The following ATAD5 variants were observed in gnomAD, a reference collection of about 807,000 sequenced individuals.
ATAD5 encodes the protein ATPase family AAA domain containing 5, also known as ATPase family AAA domain-containing protein 5.
In ATAD5, 58 loss-of-function variants were observed where a neutral mutation model predicts 176.9. That is an observed-to-expected ratio of 0.33 (90% CI 0.27 to 0.41). The LOEUF (loss-of-function observed/expected upper bound fraction) is 0.41. ATAD5 is among the 10% of genes least tolerant of loss of function. The pLI is 1.00. For missense variants in ATAD5, 1,789 were observed against 2,094.1 expected (o/e 0.85, Z 2.84); for synonymous variants, 640 against 712.6 (o/e 0.90, Z 1.62).
At chr17:30,868,534 G>A (rs1175911262) in intron 12 of ATAD5, 122 bp downstream of exon 12, 13 of 598,604 alleles carry the variant, frequency 2.2e-5, no homozygotes, top group Non-Finnish European at 3.1e-5. Context: ...TGGAGACAGA[G>A]TCTTGCTCTG....
chr17:30,868,421 T>C lies in ATAD5; in HGVS notation c.3313+9T>C. 1 of 1,518,348 alleles carries C rather than the reference T, an allele frequency of 6.6e-7. No homozygotes were observed. Among genetic ancestry groups the C allele is most frequent in the Non-Finnish European group, 8.8e-7 (1 of 1,138,540 alleles). The allele number at this position is 1,518,348 out of a possible 1,614,324, so 94.1% of individuals were successfully genotyped here. On this transcript the variant is annotated intron_variant, in intron 12 of 22. Transcript: ENST00000321990. ...AGATGAGAAACATGAAGGTATTTTG[T>C]GTGTCTTTTTTTTTTTTTTTACCAT... is the stretch of plus-strand genomic sequence containing the variant.
At chr17:30,876,110 C>G (rs1175538190) in intron 14 of ATAD5, among the ~76,000 whole-genome samples, 1 of 151,920 alleles carries the variant, frequency 6.6e-6, no homozygotes, top group Non-Finnish European at 1.5e-5. Context: ...GCACTCCAGC[C>G]TGGGCGACGG....
chr17:30,879,565 A>ATTTT, intron 18 of ATAD5, 78 bp downstream of exon 18: 15 of 1,055,264 alleles, frequency 1.4e-5, no homozygotes, highest in Admixed American at 3.1e-5. Context: ...TACAGCTATA[A>ATTTT]TTTTTTTTTT....
In ATAD5 at chr17:30,832,260, A is replaced by C; in HGVS notation, c.-88A>C. 8.3e-7 allele frequency: 1 copy of C among 1,199,796 alleles called. No individual in the cohort carries two copies. The highest frequency in any genetic ancestry group is 1.1e-6 in the Non-Finnish European group (1 of 905,424). 74.3% of individuals were successfully genotyped at this position (1,199,796 alleles called of 1,614,324 possible). On this transcript the variant is annotated 5_prime_UTR_variant, in exon 1 of 23. Transcript: ENST00000321990. ...AGCAGAATCCCAGCAGCTTGCTGCT[A>C]CTGGAGCGGGCCGCCTCCATGGCCT...
rs115791409 is a variant in ATAD5 at position 30,893,434 on chromosome 17, C to T, written c.4581C>T (p.Asn1527=). The T allele has an allele frequency of 1.7e-3, 2,678 of 1,613,764 alleles. 26 individuals carry two copies. The African/African-American group carries it at 0.024, about 15-fold the overall frequency. The change falls in exon 21 of 23, where the codon AAC becomes AAT. Residue 1527 remains asparagine, a synonymous_variant. Transcript: ENST00000321990. ...LPVDTIPETK[N]FCGPSVTVDA... The stretch of plus-strand genomic sequence containing the variant: ...TTGATACCATTCCAGAAACTAAAAA[C>T]TTTTGTGGCCCATCAGTAACTGTGG...
At chr17:30,852,511 C>T (rs1007276146) in intron 6 of ATAD5, among the ~76,000 whole-genome samples, 2 of 152,076 alleles carry the variant, frequency 1.3e-5, no homozygotes, top group African/African-American at 4.8e-5. Flanking sequence ...AGTTAGGATA[C>T]TGTGTTTGTC....
chr17:30,848,639 A>G (rs999525471), intron 6 of ATAD5, among the ~76,000 whole-genome samples: 1 of 152,158 alleles, frequency 6.6e-6, no homozygotes, highest in Non-Finnish European at 1.5e-5. Flanking sequence ...CAAGATACCA[A>G]GTTATTTCCA....
chr17:30,855,408 A>C (rs1406304525), intron 7 of ATAD5, 81 bp downstream of exon 7: 1 of 1,338,270 alleles, frequency 7.5e-7, no homozygotes, highest in African/African-American at 1.5e-5. Flanking sequence ...CTTAAAGATG[A>C]GGCTGAAGTT....
Position 30,835,352 on chromosome 17 carries a change from A to T in ATAD5, c.1271A>T (p.Asp424Val), listed in dbSNP as rs202223610. The change falls in exon 2 of 23, where the codon GAT becomes GTT. Residue 424 changes from aspartate (D) to valine (V), a missense_variant. Asp to Val is a radical substitution (Grantham distance 152). Coordinates refer to ENST00000321990, the MANE Select transcript of ATAD5 (RefSeq NM_024857.5). ...AAAAATGGAGTTAAAAAGTCTTCTG[A>T]TAAGCAGAAAGACCTTAATGAAAAA... ...ALKNGVKKSS[D>V]KQKDLNEKCL... 56 of 1,612,976 alleles carry T rather than the reference A, an allele frequency of 3.5e-5. No individual in the cohort carries two copies. Among genetic ancestry groups the T allele is most frequent in the Non-Finnish European group, 4.7e-5 (55 of 1,179,684 alleles).
At chr17:30,875,909 G>T (rs149416569) in intron 14 of ATAD5, among the ~76,000 whole-genome samples, 2,438 of 151,888 alleles carry the variant, frequency 0.016, 39 homozygotes, top group Non-Finnish European at 0.022. Context: ...AGGCCGAGGC[G>T]GGTAGATCAC....
chr17:30,878,718 G>GTTTTTTT (rs71142005), intron 17 of ATAD5, among the ~76,000 whole-genome samples: 2,025 of 56,812 alleles, frequency 0.036, 487 homozygotes, highest in Non-Finnish European at 0.042. Context: ...GTTAGGTGGT[G>GTTTTTTT]TTTTTTTTTT....
intron 3 of ATAD5, 105 bp from the exon 4 acceptor site, chr17:30,840,512 T>C: frequency 3.5e-6 from 3 of 856,202 alleles, no homozygotes; most frequent in Middle Eastern, 3.9e-4. Context: ...TGAATAACCA[T>C]TTCTTTGTTG....
At chr17:30,886,765 T>G (rs1469284889) in intron 18 of ATAD5, among the ~76,000 whole-genome samples, 1 of 152,044 alleles carries the variant, frequency 6.6e-6, no homozygotes, top group East Asian at 1.9e-4. Context: ...AAAAATTAAT[T>G]AGCTTTATGC....
Position 30,859,825 on chromosome 17 carries a change from C to T in ATAD5, c.2957-608C>T, listed in dbSNP as rs553937974. Among the ~76,000 whole-genome samples, 23 of 147,098 alleles carry T rather than the reference C, an allele frequency of 1.6e-4. 1 individual carries two copies. The highest frequency in any genetic ancestry group is 5.4e-4 in the African/African-American group (22 of 40,520). ...TGCAGCCTCAGCCTTCTAGGTTCCACCGATTCTCCTGCTTCTGCCTCCTAG... is the reference window on the plus strand; with the variant it reads ...TGCAGCCTCAGCCTTCTAGGTTCCATCGATTCTCCTGCTTCTGCCTCCTAG... On this transcript the variant is annotated intron_variant, in intron 9 of 22. Coordinates refer to ENST00000321990, the MANE Select transcript of ATAD5 (RefSeq NM_024857.5).
At chr17:30,862,108 G>T (rs1403689483) in intron 10 of ATAD5, among the ~76,000 whole-genome samples, 1 of 147,436 alleles carries the variant, frequency 6.8e-6, no homozygotes, top group Non-Finnish European at 1.5e-5. Context: ...GCCGAGGTGG[G>T]TGGATCACCT....
At chr17:30,840,361 G>A (rs957722828) in intron 3 of ATAD5, among the ~76,000 whole-genome samples, 4 of 152,040 alleles carry the variant, frequency 2.6e-5, no homozygotes, top group African/African-American at 9.7e-5. Flanking sequence ...TTAAAAAATA[G>A]ATTGCCAAGT....
At position 30,837,206 on chromosome 17, in the gene ATAD5, A is replaced by C; in HGVS notation, c.1968A>C (p.Arg656Ser). ...TCTGAATACCTTATTTTTATTTCAG[A>C]ATGAAATTCACCAGAATTAGTACTC... ...TVPFDSESPI[R>S]MKFTRISTPK... The change falls in exon 3 of 23, where the codon AGA becomes AGC. Residue 656 changes from arginine to serine, a missense_variant and splice_region_variant. Physicochemically the swap from Arg to Ser is moderately radical, Grantham distance 110. Coordinates refer to ENST00000321990, the MANE Select transcript of ATAD5 (RefSeq NM_024857.5). 1 of 1,457,528 alleles carries C rather than the reference A, an allele frequency of 6.9e-7. No homozygotes were observed. The highest frequency in any genetic ancestry group is 1.3e-5 in the South Asian group (1 of 78,758). The allele number at this position is 1,457,528 out of a possible 1,614,324, so 90.3% of individuals were successfully genotyped here. A position where few individuals can be genotyped will look rare whatever the true frequency, so the allele number is the denominator to read the frequency against.
chr17:30,841,625 T>C (rs1016302662), intron 4 of ATAD5, among the ~76,000 whole-genome samples: 4 of 152,208 alleles, frequency 2.6e-5, no homozygotes, highest in African/African-American at 9.7e-5. Context: ...CTTTTCTTCT[T>C]GGTTGTCACC....
At chr17:30,867,790 G>T (rs1313476871) in intron 11 of ATAD5, among the ~76,000 whole-genome samples, 3 of 151,926 alleles carry the variant, frequency 2.0e-5, no homozygotes, top group Admixed American at 2.0e-4. Context: ...GTTTTTTGTA[G>T]AGACAGGTTT....
Sources: gnomAD v4.1 joint callset for allele counts (sites outside exome capture counted in the v4.1 genomes callset) on GRCh38, gnomAD v4.1.1 for gene constraint, MANE v1.5 for transcripts, NCBI Gene and HGNC (gene_info 2026-07-23, HGNC 2026-07-21) for gene names.